Variants in ARSB observed in about 807,000 individuals in gnomAD.
ARSB encodes arylsulfatase B.
In ARSB, 41 loss-of-function variants were observed where a neutral mutation model predicts 50.9. The observed-to-expected ratio is 0.81, with a 90% CI of 0.63 to 1.04. The LOEUF is 1.04. Ranked by LOEUF, ARSB falls within the 50% of genes least tolerant of loss-of-function variation. ARSB has a pLI of 0.00. For synonymous variants in ARSB, 269 were observed against 284.8 expected (o/e 0.94, Z 0.56); for missense variants, 672 against 693.3 (o/e 0.97, Z 0.35).
Position 78,969,148 on chromosome 5 carries a change from G to A in ARSB, c.357C>T (p.Pro119=), listed in dbSNP as rs932263026. The stretch of plus-strand genomic sequence containing the variant: ...GTTTTTCATCCAGAGGAACACAGCT[G>A]GGCTGACAGGGCCAGATTATTTGGT... The part of the protein sequence containing the change: ...LQHQIIWPCQ[P]SCVPLDEKLL... Residue 119 remains proline (P), a synonymous_variant, in exon 2 of 8, where the codon CCC becomes CCT. Transcript: ENST00000264914. 3 of 1,614,032 alleles carry A rather than the reference G, an allele frequency of 1.9e-6. No individual in the cohort carries two copies. The highest frequency in any genetic ancestry group is 2.7e-5 in the African/African-American group (2 of 74,920).
chr5:78,925,914 C>A (rs1217478704), intron 4 of ARSB, among the ~76,000 whole-genome samples: 1 of 151,948 alleles, frequency 6.6e-6, no homozygotes, highest in Non-Finnish European at 1.5e-5. Context: ...ATAATAACAA[C>A]CCTCTTTTTT....
chr5:78,788,395 G>C (rs866664419), intron 6 of ARSB, among the ~76,000 whole-genome samples: 14 of 152,170 alleles, frequency 9.2e-5, no homozygotes, highest in Middle Eastern at 3.2e-3. Context: ...AGGTGGCCTG[G>C]TGGTGGTTTC....
chr5:78,960,040 G>A (rs1239094287), intron 3 of ARSB, among the ~76,000 whole-genome samples: 1 of 152,194 alleles, frequency 6.6e-6, no homozygotes, highest in Non-Finnish European at 1.5e-5. Flanking sequence ...CTTAGGTCCA[G>A]ATCCCTGTTC....
rs914607729 is a variant in ARSB at position 78,953,998 on chromosome 5, T to G, written c.898+1297A>C. The stretch of plus-strand genomic sequence containing the variant: ...GGAATTATCAGAAAACACAAAAGAG[T>G]TGCTGGTAATTAACAGACATGGCAG... On this transcript the variant is annotated intron_variant, in intron 4 of 7. Transcript: ENST00000264914. Among the ~76,000 whole-genome samples, 2 of 150,610 alleles carry G rather than the reference T, an allele frequency of 1.3e-5. 1 individual carries two copies. Among genetic ancestry groups the G allele is most frequent in the South Asian group, 4.2e-4 (2 of 4,782 alleles).
At chr5:78,851,862 A>T (rs1400462252) in intron 5 of ARSB, among the ~76,000 whole-genome samples, 1 of 151,962 alleles carries the variant, frequency 6.6e-6, no homozygotes, top group Non-Finnish European at 1.5e-5. Flanking sequence ...AGTCTGTTTT[A>T]TCAGAGACTA....
At chr5:78,801,538 A>C (rs1179619596) in intron 6 of ARSB, among the ~76,000 whole-genome samples, 1 of 152,248 alleles carries the variant, frequency 6.6e-6, no homozygotes, top group East Asian at 1.9e-4. Context: ...TGGATTTGCC[A>C]CAGGTGCACT....
At chr5:78,974,247 C>T (rs1482086475) in intron 1 of ARSB, among the ~76,000 whole-genome samples, 1 of 152,226 alleles carries the variant, frequency 6.6e-6, no homozygotes, top group East Asian at 1.9e-4. Flanking sequence ...TGCTAGGGGC[C>T]TGGCTTTGCC....
At chr5:78,919,086 A>G (rs1056890368) in intron 4 of ARSB, among the ~76,000 whole-genome samples, 4 of 152,226 alleles carry the variant, frequency 2.6e-5, no homozygotes, top group African/African-American at 9.6e-5. Flanking sequence ...CCCACTCTCC[A>G]ATCTGAGAGA....
At chr5:78,921,682 C>CAG (rs1749821157) in intron 4 of ARSB, among the ~76,000 whole-genome samples, 1 of 152,084 alleles carries the variant, frequency 6.6e-6, no homozygotes, top group Non-Finnish European at 1.5e-5. Context: ...TTCACAAATA[C>CAG]AGTATGTGGA....
chr5:78,820,114 C>G (rs528682623), intron 6 of ARSB, among the ~76,000 whole-genome samples: 307 of 152,326 alleles, frequency 2.0e-3, no homozygotes, highest in Non-Finnish European at 3.3e-3. Flanking sequence ...CAATGTTTCT[C>G]TCCTCTGGAA....
intron 5 of ARSB, among the ~76,000 whole-genome samples, chr5:78,864,216 A>T (rs1448274497): frequency 6.6e-6 from 1 of 152,110 alleles, no homozygotes; most frequent in Non-Finnish European, 1.5e-5. Context: ...TGATAAAGAC[A>T]TCCCCAAGAC....
chr5:78,852,945 G>C (rs1745909122), intron 5 of ARSB, among the ~76,000 whole-genome samples: 2 of 152,108 alleles, frequency 1.3e-5, no homozygotes, highest in South Asian at 4.1e-4. Flanking sequence ...GGTTATTCTA[G>C]TTATACATTC....
intron 4 of ARSB, among the ~76,000 whole-genome samples, chr5:78,889,635 A>T (rs1748189421): frequency 6.6e-6 from 1 of 152,236 alleles, no homozygotes; most frequent in East Asian, 1.9e-4. Context: ...ATTATTCACT[A>T]TTGAACAAAA....
chr5:78,931,605 G>C (rs969181327), intron 4 of ARSB, among the ~76,000 whole-genome samples: 7 of 151,966 alleles, frequency 4.6e-5, no homozygotes, highest in African/African-American at 1.7e-4. Context: ...ACTGGTTTCT[G>C]GGTAGAATGC....
intron 5 of ARSB, among the ~76,000 whole-genome samples, chr5:78,871,375 A>G (rs1747164760): frequency 2.6e-5 from 4 of 151,616 alleles, no homozygotes. Flanking sequence ...CTAAGCCAAA[A>G]GAACAAAGCT....
At chr5:78,833,662 C>T (rs1425536343) in intron 6 of ARSB, among the ~76,000 whole-genome samples, 3 of 152,110 alleles carry the variant, frequency 2.0e-5, no homozygotes, top group Non-Finnish European at 2.9e-5. Context: ...GGAGCAGAAC[C>T]GAACTCAGAA....
At chr5:78,910,382 A>G (rs1749255841) in intron 4 of ARSB, among the ~76,000 whole-genome samples, 1 of 152,238 alleles carries the variant, frequency 6.6e-6, no homozygotes, top group South Asian at 2.1e-4. Context: ...GAAGAATGTC[A>G]TCTGAAGGTC....
In ARSB at chr5:78,828,068, C is replaced by A. The variant is rs1023991111; in HGVS notation, c.1213+11288G>T. 8.5e-5 allele frequency among the ~76,000 whole-genome samples: 13 copies of A among 152,102 alleles called. No homozygotes were observed. In the South Asian group the frequency reaches 2.7e-3, roughly 32 times the overall value. On this transcript the variant is annotated intron_variant, in intron 6 of 7. Coordinates refer to ENST00000264914, the MANE Select transcript of ARSB (RefSeq NM_000046.5). ...CTAAGAATAGGAGGGAGTTTTCTTA[C>A]ACTGATAAAGAGTATAAAAAAAATC...
At chr5:78,842,782 T>TG (rs56771698) in intron 5 of ARSB, among the ~76,000 whole-genome samples, 5,190 of 147,392 alleles carry the variant, frequency 0.035, 315 homozygotes, top group African/African-American at 0.12. Context: ...TTTTTTCCCT[T>TG]TTTTTTTTTT....
Sources: allele counts gnomAD v4.1 joint callset (sites outside exome capture counted in the v4.1 genomes callset), GRCh38; gene constraint gnomAD v4.1.1; transcripts MANE v1.5; gene names NCBI Gene and HGNC (gene_info 2026-07-23, HGNC 2026-07-21).